ANKRD36C: variants seen among roughly 807,000 people sequenced by gnomAD.
ANKRD36C encodes the protein ankyrin repeat domain-containing protein 36C.
A neutral mutation model predicts 276.4 loss-of-function variants in ANKRD36C; 61 were observed. That is an observed-to-expected ratio of 0.22 (90% CI 0.18 to 0.27). The LOEUF (loss-of-function observed/expected upper bound fraction) is 0.27, where lower values mean the gene tolerates loss of function less well. Ranked by LOEUF, ANKRD36C falls within the 10% of genes least tolerant of loss-of-function variation. The probability of loss-of-function intolerance (pLI) is 1.00; values close to 1 mark genes in which losing one functional copy is unlikely to be tolerated. For synonymous variants in ANKRD36C, 483 were observed against 680.1 expected (o/e 0.71, Z 4.51); for missense variants, 1,447 against 2,032.3 (o/e 0.71, Z 5.54).
rs140147028 is a variant in ANKRD36C at position 95,921,519 on chromosome 2, C to G, written c.2245+88G>C. 21 of 1,515,056 alleles carry G rather than the reference C, an allele frequency of 1.4e-5. No individual in the cohort carries two copies. The African/African-American group carries it at 2.4e-4, about 17-fold the overall frequency. 93.9% of individuals were successfully genotyped at this position (1,515,056 alleles called of 1,614,324 possible). On this transcript the variant is annotated intron_variant, in intron 34 of 66. Transcript: ENST00000456556. The stretch of plus-strand genomic sequence containing the variant: ...GAATGTGCAGCTTCGGCGAGCCCCC[C>G]CACCTGCCCTCCACTGATTTATTCG...
At chr2:95,902,900 T>C in intron 42 of ANKRD36C, 1 of 1,582,930 alleles carries the variant, frequency 6.3e-7, no homozygotes, top group Non-Finnish European at 8.6e-7. Flanking sequence ...CCTAGTTTTT[T>C]CTCCATACTT....
At chr2:95,991,167 C>G (rs1679130431) in intron 1 of ANKRD36C, among the ~76,000 whole-genome samples, 1 of 133,172 alleles carries the variant, frequency 7.5e-6, no homozygotes, top group Non-Finnish European at 1.6e-5. Flanking sequence ...CACACCTCAC[C>G]CCCACCTCCA....
chr2:95,918,459 T>G (rs1026766253), intron 34 of ANKRD36C, among the ~76,000 whole-genome samples: 5 of 151,604 alleles, frequency 3.3e-5, no homozygotes, highest in African/African-American at 1.2e-4. Context: ...ACTACAAACA[T>G]TCATCATGCT....
intron 42 of ANKRD36C, among the ~76,000 whole-genome samples, chr2:95,902,508 G>A (rs2104379747): frequency 6.6e-6 from 1 of 150,668 alleles, no homozygotes; most frequent in Middle Eastern, 3.4e-3. Flanking sequence ...GTTACAACAA[G>A]CTTTCTATCT....
intron 32 of ANKRD36C, among the ~76,000 whole-genome samples, chr2:95,922,447 A>G (rs943993459): frequency 7.9e-5 from 12 of 151,598 alleles, no homozygotes; most frequent in Admixed American, 2.6e-4. Flanking sequence ...TAGCCTTCCC[A>G]GACATTTCTT....
chr2:95,856,707 G>A (rs1401683077), intron 62 of ANKRD36C, among the ~76,000 whole-genome samples: 2 of 152,064 alleles, frequency 1.3e-5, no homozygotes, highest in East Asian at 1.9e-4. Flanking sequence ...TAAATGATAA[G>A]TCTAGGCATT....
In ANKRD36C at chr2:95,889,784, T is replaced by C. The variant is rs1440326103; in HGVS notation, c.2959+15A>G. On this transcript the variant is annotated intron_variant, in intron 48 of 66. Coordinates refer to ENST00000456556, the Ensembl canonical transcript of ANKRD36C. The stretch of plus-strand genomic sequence containing the variant: ...TCTTGAACGAACATCCTATTAAATG[T>C]GTTTGCAAAATTACCTGTCCCAGAT... The C allele has an allele frequency of 6.3e-7, 1 of 1,576,374 alleles. No individual in the cohort carries two copies. The highest frequency in any genetic ancestry group is 8.6e-7 in the Non-Finnish European group (1 of 1,159,296).
At chr2:95,860,352 G>T (rs1398914266) in intron 60 of ANKRD36C, among the ~76,000 whole-genome samples, 1 of 151,730 alleles carries the variant, frequency 6.6e-6, no homozygotes, top group Admixed American at 6.6e-5. Flanking sequence ...TTATGTGATT[G>T]CATAAGATAA....
chr2:95,871,446 C>G (rs1219308708), intron 59 of ANKRD36C, among the ~76,000 whole-genome samples: 1 of 151,986 alleles, frequency 6.6e-6, no homozygotes, highest in Non-Finnish European at 1.5e-5. Context: ...AAATAAAATA[C>G]TTTACAGACA....
At chr2:95,928,866 T>C (rs1336838783) in intron 26 of ANKRD36C, among the ~76,000 whole-genome samples, 1 of 151,510 alleles carries the variant, frequency 6.6e-6, no homozygotes. Flanking sequence ...AATTTCAATG[T>C]AGGGAAGTCT....
intron 60 of ANKRD36C, among the ~76,000 whole-genome samples, chr2:95,863,558 G>A (rs1359364565): frequency 6.6e-6 from 1 of 152,096 alleles, no homozygotes; most frequent in Non-Finnish European, 1.5e-5. Flanking sequence ...GAGCACGAAT[G>A]TAAAAATTCA....
intron 17 of ANKRD36C, among the ~76,000 whole-genome samples, chr2:95,946,519 A>G (rs528383209): frequency 6.9e-6 from 1 of 144,154 alleles, no homozygotes; most frequent in African/African-American, 2.6e-5. Flanking sequence ...AGGGATCTAG[A>G]ACTGGAAATA....
chr2:95,903,420 G>C (rs1488407920), intron 42 of ANKRD36C, among the ~76,000 whole-genome samples: 1 of 150,746 alleles, frequency 6.6e-6, no homozygotes, highest in African/African-American at 2.4e-5. Flanking sequence ...GAGAATCAAT[G>C]TCAAAGCAGG....
chr2:95,949,852 T>C (rs1678151516), intron 16 of ANKRD36C, among the ~76,000 whole-genome samples: 3 of 152,308 alleles, frequency 2.0e-5, no homozygotes, highest in Non-Finnish European at 4.4e-5. Flanking sequence ...ACCTCTGATT[T>C]TGTCTATAGG....
At chr2:95,914,378 G>T (rs1677029301) in intron 38 of ANKRD36C, 75 bp from the exon 41 acceptor site, 4 of 1,503,024 alleles carry the variant, frequency 2.7e-6, no homozygotes, top group Middle Eastern at 2.3e-4. Context: ...TGCAGTGTTA[G>T]CATCAACCTC....
intron 5 of ANKRD36C, among the ~76,000 whole-genome samples, chr2:95,980,355 A>G (rs1184544959): frequency 3.3e-5 from 5 of 152,098 alleles, no homozygotes; most frequent in Non-Finnish European, 5.9e-5. Context: ...ACTTTATCCT[A>G]TGCATAGGGG....
intron 6 of ANKRD36C, among the ~76,000 whole-genome samples, chr2:95,976,160 A>G (rs1244008029): frequency 6.6e-6 from 1 of 152,218 alleles, no homozygotes; most frequent in Non-Finnish European, 1.5e-5. Flanking sequence ...GAGAAATAGG[A>G]ACACTTTTAC....
chr2:95,888,185 T>C, intron 48 of ANKRD36C, 65 bp from the exon 69 acceptor site: 1 of 1,601,298 alleles, frequency 6.2e-7, no homozygotes, highest in Non-Finnish European at 8.5e-7. Context: ...CATACATTCA[T>C]GCACTGTTGG....
intron 24 of ANKRD36C, 60 bp downstream of exon 24, chr2:95,935,394 G>A: frequency 1.4e-6 from 2 of 1,408,718 alleles, no homozygotes. Flanking sequence ...AGAAGGCTAT[G>A]AACATTTCCA....
Sources: allele counts gnomAD v4.1 joint callset (sites outside exome capture counted in the v4.1 genomes callset), GRCh38; gene constraint gnomAD v4.1.1; transcripts MANE v1.5; gene names NCBI Gene and HGNC (gene_info 2026-07-23, HGNC 2026-07-21).